Variants in STK16 observed in about 807,000 individuals in gnomAD.
STK16 encodes serine/threonine-protein kinase 16.
In STK16, 28 loss-of-function variants were observed where a neutral mutation model predicts 37.8. The ratio of observed to expected loss-of-function variants is 0.74; its 90% CI spans 0.55 to 1.02. The LOEUF is 1.02. STK16 is among the 50% of genes least tolerant of loss of function. The pLI, the probability that STK16 is intolerant of heterozygous loss-of-function variation, is 0.00. For synonymous variants in STK16, 134 were observed against 155.0 expected (o/e 0.86, Z 1.01); for missense variants, 349 against 390.6 (o/e 0.89, Z 0.90).
In STK16 at chr2:219,246,791, A is replaced by AC. The variant is rs371377253; in HGVS notation, c.225dup (p.Asn76GlnfsTer16). 20 of 1,614,010 alleles carry AC rather than the reference A, an allele frequency of 1.2e-5. No homozygotes were observed. The highest frequency in any genetic ancestry group is 1.7e-5 in the Non-Finnish European group (20 of 1,180,038). On this transcript the variant is annotated frameshift_variant, in exon 3 of 8. Coordinates refer to ENST00000396738, the MANE Select transcript of STK16 (RefSeq NM_001330213.2). LOFTEE classifies it high-confidence loss of function. This position sits in a 1 kb window ranked among gnomAD's most constrained non-coding sequence, Gnocchi z 4.5. ...GCCGACATGCATCGCCTCTTCAATCACCCCAACATCCTTCGCCTCGTGGCT... is the reference window on the plus strand; with the variant it reads ...GCCGACATGCATCGCCTCTTCAATCACCCCCAACATCCTTCGCCTCGTGGCT...
At position 219,246,401 on chromosome 2, in the gene STK16, A is replaced by G. The variant is rs1422856575; in HGVS notation, c.87-256A>G. On this transcript the variant is annotated intron_variant, in intron 2 of 7. Coordinates refer to ENST00000396738, the MANE Select transcript of STK16 (RefSeq NM_001330213.2). This position sits in a 1 kb window ranked among gnomAD's most constrained non-coding sequence, Gnocchi z 4.5. ...CCAATGCGGGGTTGACAAGTACTTG[A>G]TAAGTGTTGGCTATTATTTATTTAG... 6 of 612,284 alleles carry G rather than the reference A, an allele frequency of 9.8e-6. No individual in the cohort carries two copies. Among genetic ancestry groups the G allele is most frequent in the Non-Finnish European group, 1.8e-5 (6 of 335,156 alleles). The allele number at this position is 612,284 out of a possible 1,614,324, so 37.9% of individuals were successfully genotyped here.
At position 219,248,420 on chromosome 2, in the gene STK16, G is replaced by A. The variant is rs776085224; in HGVS notation, c.780-1G>A. ...GTCACCCTGGGCTCCTCCCTCCACAGGCATTCTTCAGCATTGCGGCAGCTC... is the reference window on the plus strand; with the variant it reads ...GTCACCCTGGGCTCCTCCCTCCACAAGCATTCTTCAGCATTGCGGCAGCTC... On this transcript the variant is annotated splice_acceptor_variant, in intron 7 of 7. Coordinates refer to ENST00000396738, the MANE Select transcript of STK16 (RefSeq NM_001330213.2). LOFTEE classifies it high-confidence loss of function. 6.2e-7 allele frequency: 1 copy of A among 1,613,752 alleles called. No individual in the cohort carries two copies. The highest frequency in any genetic ancestry group is 8.5e-7 in the Non-Finnish European group (1 of 1,179,748).
Position 219,246,506 on chromosome 2 carries a change from G to A in STK16, c.87-151G>A, listed in dbSNP as rs917307646. The A allele has an allele frequency of 1.4e-6, 1 of 713,960 alleles. No individual in the cohort carries two copies. Among genetic ancestry groups the A allele is most frequent in the African/African-American group, 1.8e-5 (1 of 57,134 alleles). The allele number at this position is 713,960 out of a possible 1,614,324, so 44.2% of individuals were successfully genotyped here. ...TATCTCTGCTCCTGAGGAGCTCACG[G>A]TGTAATATTCTTCAGATTTCTCTTA... On this transcript the variant is annotated intron_variant, in intron 2 of 7. Transcript: ENST00000396738. This position sits in a 1 kb window ranked among gnomAD's most constrained non-coding sequence, Gnocchi z 4.5.
Position 219,247,175 on chromosome 2 carries a change from T to A in STK16, c.369T>A (p.Asp123Glu). 1 of 1,614,178 alleles carries A rather than the reference T, an allele frequency of 6.2e-7. No individual in the cohort carries two copies. The highest frequency in any genetic ancestry group is 8.5e-7 in the Non-Finnish European group (1 of 1,180,030). ...LKDKGNFLTE[D>E]QILWLLLGIC... The stretch of plus-strand genomic sequence containing the variant: ...ACAAAGGCAACTTCCTGACCGAGGA[T>A]CAAATCCTTTGGCTGCTGCTGGGGA... Residue 123 changes from aspartate to glutamate, a missense_variant, in exon 4 of 8, where the codon GAT becomes GAA. Physicochemically the swap from Asp to Glu is conservative, Grantham distance 45. Coordinates refer to ENST00000396738, the MANE Select transcript of STK16 (RefSeq NM_001330213.2).
At position 219,246,625 on chromosome 2, in the gene STK16, CA is replaced by C; in HGVS notation, c.87-31del. The C allele has an allele frequency of 1.9e-6, 3 of 1,579,608 alleles. No homozygotes were observed. The highest frequency in any genetic ancestry group is 8.7e-7 in the Non-Finnish European group (1 of 1,149,066). ...AGGTCCAAGCCATGTGGGAGATGAC[CA>C]TGGCCCTTTATTGACCCCTTTGGCC... On this transcript the variant is annotated intron_variant, in intron 2 of 7. Transcript: ENST00000396738. The surrounding 1 kb of genome is among the most constrained non-coding windows in gnomAD (Gnocchi z 4.5).
At position 219,248,592 on chromosome 2, in the gene STK16, G is replaced by C. The variant is rs1367312525; in HGVS notation, c.*33G>C. 5 of 1,576,008 alleles carry C rather than the reference G, an allele frequency of 3.2e-6. No homozygotes were observed. The highest frequency in any genetic ancestry group is 4.3e-6 in the Non-Finnish European group (5 of 1,159,876). On this transcript the variant is annotated 3_prime_UTR_variant, in exon 8 of 8. Coordinates refer to ENST00000396738, the MANE Select transcript of STK16 (RefSeq NM_001330213.2). Reference sequence around the variant, plus strand: ...GCATGTTGAGAAGATGGCCCCTTGTGCCTTGGAAAGAGGTTCCCATCCCTC... The same window carrying C: ...GCATGTTGAGAAGATGGCCCCTTGTCCCTTGGAAAGAGGTTCCCATCCCTC...
At position 219,245,980 on chromosome 2, in the gene STK16, A is replaced by G. The variant is rs753046260; in HGVS notation, c.-20A>G. ...CTTCGGTAGCCTCAGACCGTCCTTG[A>G]AGAGGATGACTGAGACATTATGGGC... On this transcript the variant is annotated 5_prime_UTR_variant, in exon 2 of 8. It removes the in-frame stop codon of an upstream open reading frame in the 5' UTR. Coordinates refer to ENST00000396738, the MANE Select transcript of STK16 (RefSeq NM_001330213.2). The G allele has an allele frequency of 6.2e-6, 10 of 1,609,412 alleles. No homozygotes were observed.
chr2:219,250,129 C>A lies in STK16; in HGVS notation c.*1570C>A. 1 of 669,306 alleles carries A rather than the reference C, an allele frequency of 1.5e-6. No individual in the cohort carries two copies. Among genetic ancestry groups the A allele is most frequent in the Non-Finnish European group, 2.6e-6 (1 of 391,348 alleles). The allele number at this position is 669,306 out of a possible 1,614,324, so 41.5% of individuals were successfully genotyped here. The stretch of plus-strand genomic sequence containing the variant: ...TAACCCTAGGACTTCAATTTAAAGT[C>A]CCTGGGGTTATGCTTCCTGGGCCTG... On this transcript the variant is annotated 3_prime_UTR_variant, in exon 8 of 8. Transcript: ENST00000396738. The surrounding 1 kb of genome is among the most constrained non-coding windows in gnomAD (Gnocchi z 8.4).
rs1426140535 is a variant in STK16, at chr2:219,246,949, C to G, written c.306+73C>G. 20 of 1,528,802 alleles carry G rather than the reference C, an allele frequency of 1.3e-5. No individual in the cohort carries two copies. Among genetic ancestry groups the G allele is most frequent in the Non-Finnish European group, 1.8e-5 (20 of 1,126,362 alleles). The allele number at this position is 1,528,802 out of a possible 1,614,324, so 94.7% of individuals were successfully genotyped here. Reference sequence around the variant, plus strand: ...CTCAAGGGCTGTGTGAGCAGTCCAGCATGTTAGGAAGCAGGGACCATGTCC... The same window carrying G: ...CTCAAGGGCTGTGTGAGCAGTCCAGGATGTTAGGAAGCAGGGACCATGTCC... On this transcript the variant is annotated intron_variant, in intron 3 of 7. Transcript: ENST00000396738. This position sits in a 1 kb window ranked among gnomAD's most constrained non-coding sequence, Gnocchi z 4.5.
At chr2:219,247,779 A>G (rs1194385191) in intron 6 of STK16, 22 bp downstream of exon 6, 3 of 1,556,494 alleles carry the variant, frequency 1.9e-6, no homozygotes, top group Admixed American at 1.9e-5. Flanking sequence ...GTGGGTGGGT[A>G]TCTGGGTAGG....
Position 219,247,413 on chromosome 2 carries a change from A to G in STK16, c.441-2A>G, listed in dbSNP as rs889516583. On this transcript the variant is annotated splice_acceptor_variant, in intron 4 of 7. Coordinates refer to ENST00000396738, the MANE Select transcript of STK16 (RefSeq NM_001330213.2). LOFTEE classifies it high-confidence loss of function. Reference sequence around the variant, plus strand: ...TCATAGGTCACTTCTACTTCTCTACAGAGACTTGAAGCCCACCAATATATT... The same window carrying G: ...TCATAGGTCACTTCTACTTCTCTACGGAGACTTGAAGCCCACCAATATATT... 6.2e-7 allele frequency: 1 copy of G among 1,614,136 alleles called. No individual in the cohort carries two copies. Among genetic ancestry groups the G allele is most frequent in the East Asian group, 2.2e-5 (1 of 44,886 alleles).
Position 219,246,927 on chromosome 2 carries a change from A to G in STK16, c.306+51A>G. ...GGGGTTGCAGCAGAGCCACCTACTCAAGGGCTGTGTGAGCAGTCCAGCATG... is the reference window on the plus strand; with the variant it reads ...GGGGTTGCAGCAGAGCCACCTACTCGAGGGCTGTGTGAGCAGTCCAGCATG... On this transcript the variant is annotated intron_variant, in intron 3 of 7. Transcript: ENST00000396738. The surrounding 1 kb of genome is among the most constrained non-coding windows in gnomAD (Gnocchi z 4.5). 1.9e-6 allele frequency: 3 copies of G among 1,559,640 alleles called. No individual in the cohort carries two copies. The highest frequency in any genetic ancestry group is 2.6e-6 in the Non-Finnish European group (3 of 1,145,440).
In STK16 at chr2:219,249,298, AG is replaced by A. The variant is rs1951604510; in HGVS notation, c.*743del. 2 of 152,272 alleles carry A rather than the reference AG, an allele frequency of 1.3e-5. No homozygotes were observed. Among genetic ancestry groups the A allele is most frequent in the South Asian group, 4.1e-4 (2 of 4,832 alleles). The allele number at this position is 152,272 out of a possible 1,614,324, so 9.4% of individuals were successfully genotyped here. A position where few individuals can be genotyped will look rare whatever the true frequency, so the allele number is the denominator to read the frequency against. ...GTCTCCCATCCTCAGCCTAGGGGCG[AG>A]GGGAGTGGAGGTGGCAGCGGCAGCT... On this transcript the variant is annotated 3_prime_UTR_variant, in exon 8 of 8. Coordinates refer to ENST00000396738, the MANE Select transcript of STK16 (RefSeq NM_001330213.2).
rs1467080867 is a variant in STK16, at chr2:219,246,595, T to C, written c.87-62T>C. On this transcript the variant is annotated intron_variant, in intron 2 of 7. Transcript: ENST00000396738. This position sits in a 1 kb window ranked among gnomAD's most constrained non-coding sequence, Gnocchi z 4.5. ...ACACCCCACTCCCCACCAGGAAATT[T>C]CTCTAGGTCCAAGCCATGTGGGAGA... The C allele has an allele frequency of 2.8e-6, 4 of 1,413,542 alleles. No individual in the cohort carries two copies. The highest frequency in any genetic ancestry group is 3.0e-6 in the Non-Finnish European group (3 of 1,002,908). 87.6% of individuals were successfully genotyped at this position (1,413,542 alleles called of 1,614,324 possible). A position where few individuals can be genotyped will look rare whatever the true frequency, so the allele number is the denominator to read the frequency against.
chr2:219,247,816 G>A (rs1366354766), intron 6 of STK16, 59 bp downstream of exon 6: 1 of 1,502,592 alleles, frequency 6.7e-7, no homozygotes, highest in Non-Finnish European at 9.0e-7. Context: ...TACCCACCGT[G>A]GAGTAGAGTA....
At chr2:219,247,036 T>A in intron 3 of STK16, 77 bp from the exon 4 acceptor site, 1 of 1,595,716 alleles carries the variant, frequency 6.3e-7, no homozygotes, top group Non-Finnish European at 8.6e-7. Flanking sequence ...TGATAGGCTT[T>A]GACATAGGGA....
Position 219,246,531 on chromosome 2 carries a change from A to G in STK16, c.87-126A>G. The G allele has an allele frequency of 2.6e-6, 2 of 755,860 alleles. No homozygotes were observed. Among genetic ancestry groups the G allele is most frequent in the Non-Finnish European group, 2.4e-6 (1 of 419,656 alleles). The allele number at this position is 755,860 out of a possible 1,614,324, so 46.8% of individuals were successfully genotyped here. A position where few individuals can be genotyped will look rare whatever the true frequency, so the allele number is the denominator to read the frequency against. Reference sequence around the variant, plus strand: ...GTGTAATATTCTTCAGATTTCTCTTAGAGCCACATCTTGGGAAGGTTTCTG... The same window carrying G: ...GTGTAATATTCTTCAGATTTCTCTTGGAGCCACATCTTGGGAAGGTTTCTG... On this transcript the variant is annotated intron_variant, in intron 2 of 7. Transcript: ENST00000396738. This position sits in a 1 kb window ranked among gnomAD's most constrained non-coding sequence, Gnocchi z 4.5.
intron 4 of STK16, 83 bp from the exon 5 acceptor site, chr2:219,247,332 A>G: frequency 6.2e-7 from 1 of 1,609,304 alleles, no homozygotes; most frequent in Non-Finnish European, 8.5e-7. Context: ...CTCCCAAGAA[A>G]CAGCCTGTAT....
Position 219,246,445 on chromosome 2 carries a change from G to T in STK16, c.87-212G>T. On this transcript the variant is annotated intron_variant, in intron 2 of 7. Coordinates refer to ENST00000396738, the MANE Select transcript of STK16 (RefSeq NM_001330213.2). The surrounding 1 kb of genome is among the most constrained non-coding windows in gnomAD (Gnocchi z 4.5). ...TATTTAGCATCTGTCAAGTGCAGAG[G>T]TCTCTATTACGACCATAGGACCTCA... 1 of 628,012 alleles carries T rather than the reference G, an allele frequency of 1.6e-6. No homozygotes were observed. The highest frequency in any genetic ancestry group is 1.8e-5 in the African/African-American group (1 of 54,434). 38.9% of individuals were successfully genotyped at this position (628,012 alleles called of 1,614,324 possible).
Sources: gnomAD v4.1 joint callset for allele counts on GRCh38, gnomAD v4.1.1 for gene constraint, Gnocchi (gnomAD v3.1) non-coding constraint, MANE v1.5 for transcripts, NCBI Gene and HGNC (gene_info 2026-07-23, HGNC 2026-07-21) for gene names.